RPS10: variants seen among roughly 807,000 people sequenced by gnomAD.
The protein encoded by RPS10 is ribosomal protein S10.
In RPS10, 2 loss-of-function variants were observed where a neutral mutation model predicts 22.6. The observed-to-expected ratio is 0.09, with a 90% CI of 0.04 to 0.28. The LOEUF is 0.28. Ranked by LOEUF, RPS10 falls within the 10% of genes least tolerant of loss-of-function variation. The probability of loss-of-function intolerance (pLI) is 1.00; values close to 1 mark genes in which losing one functional copy is unlikely to be tolerated. For synonymous variants in RPS10, 70 were observed against 75.9 expected, an observed-to-expected ratio of 0.92 and a Z score of 0.40; for missense variants, 137 against 222.2, an observed-to-expected ratio of 0.62 and a Z score of 2.44.
intron 4 of RPS10, 106 bp from the exon 5 acceptor site, chr6:34,418,530 C>T (rs774151484): frequency 6.4e-7 from 1 of 1,555,446 alleles, no homozygotes; most frequent in East Asian, 2.3e-5. Context: ...CCAAGTACCA[C>T]TCCGTTAAAT....
intron 3 of RPS10, among the ~76,000 whole-genome samples, chr6:34,423,775 G>A (rs927612878): frequency 1.3e-5 from 2 of 151,994 alleles, no homozygotes; most frequent in Non-Finnish European, 2.9e-5. Flanking sequence ...TCCCAGTCTC[G>A]GGAGGCTGAG....
In RPS10 at chr6:34,422,244, C is replaced by T. The variant is rs149607585; in HGVS notation, c.323-437G>A. ...ACATAATCTAGGGGTTACCAAGAAT[C>T]GTTGAGTTCCTCTTGGGCTTCTTCA... On this transcript the variant is annotated intron_variant, in intron 3 of 5. Transcript: ENST00000648437. Among the ~76,000 whole-genome samples the T allele has an allele frequency of 1.2e-3, 185 of 152,312 alleles. 1 individual carries two copies. In the East Asian group the frequency reaches 0.013, roughly 11 times the overall value.
intron 2 of RPS10, 57 bp from the exon 3 acceptor site, chr6:34,424,897 CA>C (rs1329742650): frequency 1.3e-5 from 21 of 1,612,046 alleles, no homozygotes; most frequent in Non-Finnish European, 1.8e-5. Context: ...TCATCCTAGG[CA>C]AGTCTCCAGT....
chr6:34,419,753 T>G (rs191253438), intron 4 of RPS10, among the ~76,000 whole-genome samples: 1 of 151,952 alleles, frequency 6.6e-6, no homozygotes, highest in East Asian at 1.9e-4. Flanking sequence ...ATTTTTTGTA[T>G]TTTAAGTAGA....
intron 5 of RPS10, chr6:34,417,754 A>T (rs1765627846): frequency 1.4e-6 from 1 of 721,156 alleles, no homozygotes; most frequent in Admixed American, 2.0e-5. Context: ...CTTCATTGGT[A>T]AAGTGGGAGT....
chr6:34,418,536 T>C, intron 4 of RPS10, 112 bp from the exon 5 acceptor site: 1 of 1,518,948 alleles, frequency 6.6e-7, no homozygotes, highest in Non-Finnish European at 9.0e-7. Flanking sequence ...ACCACTCCGT[T>C]AAATATAAGC....
At position 34,419,207 on chromosome 6, in the gene RPS10, G is replaced by T. The variant is rs186312294; in HGVS notation, c.401-783C>A. Among the ~76,000 whole-genome samples the T allele has an allele frequency of 1.3e-3, 191 of 152,186 alleles. 1 individual carries two copies. Among genetic ancestry groups the T allele is most frequent in the African/African-American group, 4.5e-3 (186 of 41,528 alleles). ...CTAATTTTTTTGTATTTTTAGTAGA[G>T]ATGGGGTTTCTTCATGTTGGTTTCT... On this transcript the variant is annotated intron_variant, in intron 4 of 5. Transcript: ENST00000648437.
Position 34,417,556 on chromosome 6 carries a change from G to C in RPS10, c.457-9C>G. 2 of 1,613,582 alleles carry C rather than the reference G, an allele frequency of 1.2e-6. No individual in the cohort carries two copies. Among genetic ancestry groups the C allele is most frequent in the Non-Finnish European group, 1.7e-6 (2 of 1,179,934 alleles). The stretch of plus-strand genomic sequence containing the variant: ...CGACCAAATCCGCCTCTCTGTAAGA[G>C]AAAGCACATCACATCAGCATGAGCG... On this transcript the variant is annotated splice_polypyrimidine_tract_variant and intron_variant, in intron 5 of 5. Transcript: ENST00000648437.
chr6:34,418,858 G>A (rs1765663195), intron 4 of RPS10, among the ~76,000 whole-genome samples: 2 of 152,144 alleles, frequency 1.3e-5, no homozygotes, highest in South Asian at 2.1e-4. Flanking sequence ...AAATGGAGAC[G>A]TGTGCAAAAT....
intron 5 of RPS10, 163 bp downstream of exon 5, chr6:34,418,177 AGTAATTTATGTATTTACAAAAGTTTGCAT>A: frequency 6.7e-7 from 1 of 1,492,054 alleles, no homozygotes; most frequent in African/African-American, 1.4e-5. Context: ...GACTCATTTC[AGTAATTTATGTATTTACAAAAGTTTGCAT>A]GCTACAACTC....
intron 4 of RPS10, among the ~76,000 whole-genome samples, chr6:34,420,222 TTTTC>T (rs1765716156): frequency 6.6e-6 from 1 of 151,906 alleles, no homozygotes; most frequent in African/African-American, 2.4e-5. Flanking sequence ...TCAGTAATCG[TTTTC>T]TTTTCTTTTG....
intron 1 of RPS10, chr6:34,425,423 G>C: frequency 1.6e-6 from 1 of 642,834 alleles, no homozygotes; most frequent in Non-Finnish European, 2.7e-6. Flanking sequence ...AAAGTTGACA[G>C]TATGTTAAAA....
chr6:34,418,195 A>G, intron 5 of RPS10, 174 bp downstream of exon 5: 26 of 1,511,412 alleles, frequency 1.7e-5, no homozygotes, highest in South Asian at 3.9e-5. Context: ...ATGTATTTAC[A>G]AAAGTTTGCA....
chr6:34,424,669 C>T lies in RPS10; in HGVS notation c.322G>A (p.Gly108Ser). 6.2e-7 allele frequency: 1 copy of T among 1,614,048 alleles called. No homozygotes were observed. The highest frequency in any genetic ancestry group is 8.5e-7 in the Non-Finnish European group (1 of 1,179,972). ...RPETGRPRPK[G>S]LEGERPARLT... ...GAAGGGATTTGTGTGGGAACCATAC[C>T]TTTAGGCCGAGGCCTGCCAGTCTCT... Residue 108 changes from glycine to serine, a missense_variant and splice_region_variant, in exon 3 of 6, where the codon GGT (glycine) becomes AGT (serine). Transcript: ENST00000648437.
intron 5 of RPS10, 107 bp from the exon 6 acceptor site, chr6:34,417,654 A>G (rs1447189251): frequency 1.9e-6 from 2 of 1,064,514 alleles, no homozygotes; most frequent in Admixed American, 1.9e-5. Flanking sequence ...CCCCAAATGT[A>G]AACAGCTGGG....
chr6:34,423,142 C>T (rs1049641908), intron 3 of RPS10, among the ~76,000 whole-genome samples: 4 of 151,870 alleles, frequency 2.6e-5, no homozygotes, highest in Non-Finnish European at 4.4e-5. Flanking sequence ...GGAACTTACC[C>T]GGAGTCCATA....
chr6:34,422,898 T>C (rs1008360019), intron 3 of RPS10, among the ~76,000 whole-genome samples: 2 of 151,400 alleles, frequency 1.3e-5, no homozygotes, highest in Non-Finnish European at 2.9e-5. Context: ...CTGGCCAACA[T>C]GGTAAAACCC....
rs1485682684 is a variant in RPS10 at position 34,425,148 on chromosome 6, T to G, written c.74A>C (p.Lys25Thr). 2 of 1,613,782 alleles carry G rather than the reference T, an allele frequency of 1.2e-6. No individual in the cohort carries two copies. The highest frequency in any genetic ancestry group is 1.7e-6 in the Non-Finnish European group (2 of 1,179,970). ...CGGGTGCTTAGGCATGTGGACATCC[T>G]TCTTGGCCACCATGACTCCCTCCTT... ...LFKEGVMVAK[K>T]DVHMPKHPEL... is the part of the protein sequence containing the mutation. Residue 25 changes from lysine (K) to threonine (T), a missense_variant, in exon 2 of 6, where the codon AAG becomes ACG. Coordinates refer to ENST00000648437, the MANE Select transcript of RPS10 (RefSeq NM_001014.5).
chr6:34,417,788 TCATA>T (rs1765628736), intron 5 of RPS10: 1 of 718,656 alleles, frequency 1.4e-6, no homozygotes, highest in African/African-American at 1.7e-5. Flanking sequence ...CAGAGTGTGT[TCATA>T]CATACTCCTA....
Sources: allele counts gnomAD v4.1 joint callset (sites outside exome capture counted in the v4.1 genomes callset), GRCh38; gene constraint gnomAD v4.1.1; transcripts MANE v1.5; gene names NCBI Gene and HGNC (gene_info 2026-07-23, HGNC 2026-07-21).